Variants in SPAG16 observed in about 807,000 individuals in gnomAD.
SPAG16 encodes sperm associated antigen 16.
In SPAG16, 86 loss-of-function variants were observed where a neutral mutation model predicts 80.4. The ratio of observed to expected loss-of-function variants is 1.07; its 90% CI spans 0.90 to 1.28. The LOEUF is 1.28. Among genes scored for constraint, SPAG16 ranks in the 50% most tolerant of loss-of-function variants. SPAG16 has a pLI of 0.00. For synonymous variants in SPAG16, 294 were observed against 265.9 expected, an observed-to-expected ratio of 1.11 and a Z score of -1.03; for missense variants, 870 against 765.3, an observed-to-expected ratio of 1.14 and a Z score of -1.61.
At chr2:214,365,576 C>A (rs867501953) in intron 15 of SPAG16, among the ~76,000 whole-genome samples, 2 of 151,904 alleles carry the variant, frequency 1.3e-5, no homozygotes, top group African/African-American at 4.8e-5. Flanking sequence ...GTGTTAAGAA[C>A]CAAATGGAAA....
chr2:213,571,981 A>T (rs1312174113), intron 10 of SPAG16, among the ~76,000 whole-genome samples: 1 of 126,320 alleles, frequency 7.9e-6, no homozygotes, highest in Non-Finnish European at 1.6e-5. Context: ...GCTTCATTTC[A>T]TTCATTTCAT....
At chr2:214,051,720 A>C (rs1310143650) in intron 13 of SPAG16, among the ~76,000 whole-genome samples, 1 of 152,220 alleles carries the variant, frequency 6.6e-6, no homozygotes, top group Non-Finnish European at 1.5e-5. Flanking sequence ...TAACAGAGTC[A>C]GCAAGAATAC....
chr2:214,288,862 C>T (rs1008789335), intron 15 of SPAG16, among the ~76,000 whole-genome samples: 8 of 151,846 alleles, frequency 5.3e-5, no homozygotes, highest in African/African-American at 1.5e-4. Flanking sequence ...TCAGCCTCCC[C>T]GGTTCACGCC....
chr2:213,391,573 T>C (rs1324561329), intron 9 of SPAG16, among the ~76,000 whole-genome samples: 1 of 152,222 alleles, frequency 6.6e-6, no homozygotes, highest in Non-Finnish European at 1.5e-5. Context: ...AAGGGTTTTT[T>C]GTTAGTATTC....
intron 10 of SPAG16, among the ~76,000 whole-genome samples, chr2:213,591,457 A>T (rs1269251110): frequency 6.6e-6 from 1 of 152,218 alleles, no homozygotes; most frequent in Non-Finnish European, 1.5e-5. Flanking sequence ...GATCAAAATT[A>T]GGGGTAAAAT....
chr2:214,063,661 A>G (rs1373916202), intron 13 of SPAG16, among the ~76,000 whole-genome samples: 1 of 152,202 alleles, frequency 6.6e-6, no homozygotes, highest in Admixed American at 6.5e-5. Context: ...TTCAGACAGT[A>G]ACACAGCCTT....
intron 10 of SPAG16, among the ~76,000 whole-genome samples, chr2:213,652,653 CA>C (rs1246073516): frequency 5.3e-5 from 8 of 152,002 alleles, no homozygotes; most frequent in African/African-American, 7.3e-5. Flanking sequence ...TTATATCAGA[CA>C]TTTTTTTCAT....
intron 9 of SPAG16, among the ~76,000 whole-genome samples, chr2:213,436,962 A>T (rs1390599663): frequency 6.6e-6 from 1 of 151,632 alleles, no homozygotes; most frequent in African/African-American, 2.4e-5. Context: ...CCCAGGCTGG[A>T]GTGCAGTGGC....
intron 15 of SPAG16, among the ~76,000 whole-genome samples, chr2:214,299,954 T>C (rs1694431057): frequency 6.6e-6 from 1 of 152,170 alleles, no homozygotes; most frequent in African/African-American, 2.4e-5. Context: ...CAAGGCCATT[T>C]TTAAGGGACT....
intron 9 of SPAG16, among the ~76,000 whole-genome samples, chr2:213,434,208 C>T (rs1001988912): frequency 8.5e-5 from 13 of 152,104 alleles, no homozygotes; most frequent in Non-Finnish European, 1.8e-4. Flanking sequence ...ACATGAGCCA[C>T]CTCACCCAGC....
intron 15 of SPAG16, among the ~76,000 whole-genome samples, chr2:214,211,649 C>T (rs143714356): frequency 3.0e-4 from 45 of 152,156 alleles, no homozygotes; most frequent in African/African-American, 8.2e-4. Context: ...AGAGAGGGGA[C>T]CTGCAACCAA....
intron 15 of SPAG16, among the ~76,000 whole-genome samples, chr2:214,158,513 ATAAAT>A (rs932995266): frequency 1.3e-5 from 2 of 152,062 alleles, no homozygotes; most frequent in African/African-American, 4.8e-5. Context: ...CAACATTTTA[ATAAAT>A]TAAATTAATG....
chr2:214,024,661 T>A (rs1396710014), intron 13 of SPAG16, among the ~76,000 whole-genome samples: 1 of 151,624 alleles, frequency 6.6e-6, no homozygotes, highest in Non-Finnish European at 1.5e-5. Context: ...TTCAGATTGA[T>A]GTGAAATTAT....
intron 15 of SPAG16, among the ~76,000 whole-genome samples, chr2:214,334,361 C>A (rs1697136868): frequency 6.6e-6 from 1 of 152,174 alleles, no homozygotes. Context: ...TTTGATAACC[C>A]AGAAGGCTCA....
intron 10 of SPAG16, among the ~76,000 whole-genome samples, chr2:213,606,194 A>G (rs2061253986): frequency 6.6e-6 from 1 of 152,156 alleles, no homozygotes; most frequent in Admixed American, 6.5e-5. Flanking sequence ...ATATGCCACA[A>G]TTATGGTGAA....
At chr2:213,459,650 C>T (rs866977672) in intron 9 of SPAG16, among the ~76,000 whole-genome samples, 1 of 152,298 alleles carries the variant, frequency 6.6e-6, no homozygotes, top group Middle Eastern at 3.4e-3. Flanking sequence ...TCTTTGCTTT[C>T]TCCATCAGAA....
intron 1 of SPAG16, 84 bp from the exon 2 acceptor site, chr2:213,295,980 A>G (rs2062478932): frequency 6.1e-6 from 7 of 1,154,842 alleles, no homozygotes; most frequent in Non-Finnish European, 9.1e-6. Flanking sequence ...GTTGAATCCA[A>G]TACTATATTT....
intron 11 of SPAG16, among the ~76,000 whole-genome samples, chr2:213,869,264 A>AAAAATAT (rs552335638): frequency 1.6e-5 from 1 of 63,588 alleles, no homozygotes; most frequent in East Asian, 4.2e-4. Context: ...AAAAAAAAAA[A>AAAAATAT]ATATATATAT....
In SPAG16 at chr2:213,426,836, TACACACACACAC is replaced by T. The variant is rs199604984; in HGVS notation, c.942+51753_942+51764del. On this transcript the variant is annotated intron_variant, in intron 9 of 15. Transcript: ENST00000331683. ...TTTTTCAAAAGATTATTCTGATACA[TACACACACACAC>T]ACACACACACACACACACACACACA... Among the ~76,000 whole-genome samples, 1,046 of 125,758 alleles carry T rather than the reference TACACACACACAC, an allele frequency of 8.3e-3. 12 individuals are homozygous for T. The highest frequency in any genetic ancestry group is 0.027 in the South Asian group (91 of 3,382). The allele number at this position is 125,758 out of a possible 152,430, so 82.5% of individuals were successfully genotyped here.
Sources: allele counts gnomAD v4.1 joint callset (sites outside exome capture counted in the v4.1 genomes callset), GRCh38; gene constraint gnomAD v4.1.1; transcripts MANE v1.5; gene names NCBI Gene and HGNC (gene_info 2026-07-23, HGNC 2026-07-21).